ZNF362: variants seen among roughly 807,000 people sequenced by gnomAD.
ZNF362 encodes the protein zinc finger protein 362.
A neutral mutation model predicts 42.9 loss-of-function variants in ZNF362; 11 were observed. That is an observed-to-expected ratio of 0.26 (90% confidence interval 0.16 to 0.42). The LOEUF is 0.42. ZNF362 is among the 20% of genes least tolerant of loss of function. The pLI, the probability that ZNF362 is intolerant of heterozygous loss-of-function variation, is 1.00. For missense variants in ZNF362, 362 were observed against 576.2 expected (o/e 0.63, Z 3.81); for synonymous variants, 255 against 257.3 (o/e 0.99, Z 0.09).
intron 6 of ZNF362, among the ~76,000 whole-genome samples, chr1:33,289,789 TC>T (rs1646062737): frequency 6.6e-6 from 1 of 152,116 alleles, no homozygotes; most frequent in Non-Finnish European, 1.5e-5. Flanking sequence ...CCAAGGGAGT[TC>T]CTCTGAAGGA....
At chr1:33,136,047 C>T in the ZNF362 span, among the ~76,000 whole-genome samples, 3 of 151,232 alleles carry the variant, frequency 2.0e-5, no homozygotes, top group East Asian at 5.9e-4. Flanking sequence ...GCAAACATGG[C>T]CTTCTCTTCT....
chr1:33,180,867 C>G, the ZNF362 span, among the ~76,000 whole-genome samples: 1 of 151,022 alleles, frequency 6.6e-6, no homozygotes, highest in Admixed American at 6.6e-5. Flanking sequence ...CCCTCCCTGC[C>G]CCGCGTTACT....
chr1:33,150,235 C>T, the ZNF362 span, among the ~76,000 whole-genome samples: 280 of 152,312 alleles, frequency 1.8e-3, 2 homozygotes, highest in African/African-American at 6.4e-3. Context: ...ACATCCAGCT[C>T]TCTGGCTCTT....
At chr1:33,277,385 A>G (rs770691378) in intron 4 of ZNF362, among the ~76,000 whole-genome samples, 5 of 152,232 alleles carry the variant, frequency 3.3e-5, no homozygotes, top group Non-Finnish European at 5.9e-5. Flanking sequence ...TTTGATGCTG[A>G]GTTCTGCTGA....
At chr1:33,218,089 T>C in the ZNF362 span, among the ~76,000 whole-genome samples, 1 of 152,314 alleles carries the variant, frequency 6.6e-6, no homozygotes, top group South Asian at 2.1e-4. Flanking sequence ...GCAAACACCT[T>C]TAAACATATA....
the ZNF362 span, among the ~76,000 whole-genome samples, chr1:33,215,194 A>G: frequency 6.6e-6 from 1 of 152,216 alleles, no homozygotes; most frequent in Non-Finnish European, 1.5e-5. Flanking sequence ...CATTTGCAAC[A>G]ACATGGATGG....
chr1:33,213,113 T>A, the ZNF362 span, among the ~76,000 whole-genome samples: 1 of 152,204 alleles, frequency 6.6e-6, no homozygotes, highest in East Asian at 1.9e-4. Context: ...AAAGAGTATG[T>A]ATGTATTATA....
rs1337464747 is a variant in ZNF362 at position 33,280,352 on chromosome 1, G to T, written c.578G>T (p.Gly193Val). The stretch of plus-strand genomic sequence containing the variant: ...CTTGGCCCCCCCAAGTCCGAACGCG[G>T]CCGCAAAAAGATCAAGGCGGAGAAC... ...GLLGPPKSER[G>V]RKKIKAENPG... Residue 193 changes from glycine to valine, a missense_variant, in exon 5 of 9, where the codon GGC becomes GTC. Physicochemically the swap from Gly to Val is moderately radical, Grantham distance 109 (BLOSUM62 -3). This residue lies in a region of ZNF362 where 266 missense variants were observed against 365.4 expected (regional missense o/e 0.73). Transcript: ENST00000539719. This position sits in a 1 kb window ranked among gnomAD's most constrained non-coding sequence, Gnocchi z 5.6. 1 of 1,613,922 alleles carries T rather than the reference G, an allele frequency of 6.2e-7. No homozygotes were observed. The highest frequency in any genetic ancestry group is 8.5e-7 in the Non-Finnish European group (1 of 1,179,964).
chr1:33,284,249 G>A (rs906818834), intron 6 of ZNF362, among the ~76,000 whole-genome samples: 1 of 152,198 alleles, frequency 6.6e-6, no homozygotes, highest in African/African-American at 2.4e-5. Context: ...CTGGAGGCCC[G>A]GGGAGGCCTC....
the ZNF362 span, among the ~76,000 whole-genome samples, chr1:33,157,581 T>C: frequency 4.6e-5 from 7 of 152,102 alleles, no homozygotes; most frequent in Non-Finnish European, 8.8e-5. Flanking sequence ...GTAAGATGCG[T>C]GAGGGCAGGG....
At chr1:33,157,599 C>T in the ZNF362 span, among the ~76,000 whole-genome samples, 1 of 152,044 alleles carries the variant, frequency 6.6e-6, no homozygotes, top group Non-Finnish European at 1.5e-5. Context: ...GGGATTTTTG[C>T]CTGTTTTGCT....
At chr1:33,222,508 A>G in the ZNF362 span, among the ~76,000 whole-genome samples, 6 of 152,218 alleles carry the variant, frequency 3.9e-5, no homozygotes, top group Non-Finnish European at 8.8e-5. Flanking sequence ...TTTTAAAAAC[A>G]TGAATCACAT....
Position 33,280,087 on chromosome 1 carries a change from T to C in ZNF362, c.350-37T>C. 1 of 1,523,842 alleles carries C rather than the reference T, an allele frequency of 6.6e-7. No individual in the cohort carries two copies. Among genetic ancestry groups the C allele is most frequent in the Non-Finnish European group, 8.8e-7 (1 of 1,133,114 alleles). 94.4% of individuals were successfully genotyped at this position (1,523,842 alleles called of 1,614,324 possible). ...GGGCAGCTGAGCTGGCCTCTGCAGC[T>C]CCGCTCACCCCTGCCCCCACCCACC... On this transcript the variant is annotated intron_variant, in intron 4 of 8. Transcript: ENST00000539719. This position sits in a 1 kb window ranked among gnomAD's most constrained non-coding sequence, Gnocchi z 5.6.
the ZNF362 span, among the ~76,000 whole-genome samples, chr1:33,161,887 C>CG: frequency 5.9e-5 from 9 of 152,270 alleles, no homozygotes; most frequent in Admixed American, 5.9e-4. This position sits in a 1 kb window ranked among gnomAD's most constrained non-coding sequence, Gnocchi z 4.3. Flanking sequence ...CCATGTTCCT[C>CG]GGGGCTCATC....
chr1:33,296,858 C>T (rs547162806), intron 8 of ZNF362, among the ~76,000 whole-genome samples: 14 of 137,786 alleles, frequency 1.0e-4, no homozygotes, highest in African/African-American at 2.7e-4. Flanking sequence ...ATTTTAGAGA[C>T]GGGGTCTTGC....
the ZNF362 span, among the ~76,000 whole-genome samples, chr1:33,246,789 AC>A: frequency 1.3e-5 from 2 of 151,928 alleles, no homozygotes; most frequent in Non-Finnish European, 1.5e-5. Context: ...CCCTTCTCTT[AC>A]TCCATCCCTG....
At chr1:33,254,123 G>GTTACGTGTCT (rs56082717), upstream of ZNF362, among the ~76,000 whole-genome samples, 2 of 151,306 alleles carry the variant, frequency 1.3e-5, no homozygotes, top group Admixed American at 1.3e-4. Context: ...ACATTTAGTA[G>GTTACGTGTCT]TTCGTCTGTT....
chr1:33,235,044 G>C, the ZNF362 span, among the ~76,000 whole-genome samples: 1 of 152,112 alleles, frequency 6.6e-6, no homozygotes, highest in East Asian at 1.9e-4. Flanking sequence ...ACTCTCCTCT[G>C]TTAGTCACCT....
chr1:33,250,845 GAAA>G, the ZNF362 span, among the ~76,000 whole-genome samples: 21 of 104,830 alleles, frequency 2.0e-4, no homozygotes, highest in African/African-American at 4.2e-4. Context: ...GAAGAAAGAA[GAAA>G]GAAGGAAGAA....
Sources: gnomAD v4.1 joint callset for allele counts (sites outside exome capture counted in the v4.1 genomes callset) on GRCh38, gnomAD v4.1.1 for gene constraint, gnomAD v4.1.1 regional missense constraint, Gnocchi (gnomAD v3.1) non-coding constraint, MANE v1.5 for transcripts, NCBI Gene and HGNC (gene_info 2026-07-23, HGNC 2026-07-21) for gene names.